The following BBS9 variants were observed in gnomAD, a reference collection of about 807,000 sequenced individuals.
BBS9 encodes the protein protein PTHB1.
A neutral mutation model predicts 117.7 loss-of-function variants in BBS9; 89 were observed. The ratio of observed to expected loss-of-function variants is 0.76; its 90% CI spans 0.64 to 0.90. The LOEUF (loss-of-function observed/expected upper bound fraction) is 0.90. BBS9 is among the 40% of genes least tolerant of loss of function. The pLI is 0.00. For synonymous variants in BBS9, 379 were observed against 370.9 expected (o/e 1.02, Z -0.25); for missense variants, 982 against 1,042.2 (o/e 0.94, Z 0.80).
chr7:33,437,269 G>A (rs1424950332), intron 19 of BBS9, among the ~76,000 whole-genome samples: 2 of 152,184 alleles, frequency 1.3e-5, no homozygotes, highest in African/African-American at 4.8e-5. Context: ...GTCAGAGCAT[G>A]GCTCACCCTT....
At chr7:33,465,856 T>G (rs1187804200) in intron 19 of BBS9, among the ~76,000 whole-genome samples, 1 of 152,166 alleles carries the variant, frequency 6.6e-6, no homozygotes, top group Non-Finnish European at 1.5e-5. Context: ...AACTGGACTA[T>G]TAACTTGAAA....
chr7:33,269,261 C>T (rs1275703374), intron 7 of BBS9, among the ~76,000 whole-genome samples: 1 of 152,136 alleles, frequency 6.6e-6, no homozygotes. Flanking sequence ...TTTCTTGGAT[C>T]CATTGTTTGT....
At chr7:33,581,082 G>GTATTTT (rs1859804779) in intron 21 of BBS9, among the ~76,000 whole-genome samples, 1 of 139,946 alleles carries the variant, frequency 7.1e-6, no homozygotes, top group Non-Finnish European at 1.5e-5. Flanking sequence ...ATTTTTGTGT[G>GTATTTT]TGTGTGTGTG....
chr7:33,213,245 T>A (rs1473519554), intron 5 of BBS9, among the ~76,000 whole-genome samples: 2 of 152,176 alleles, frequency 1.3e-5, no homozygotes, highest in East Asian at 3.9e-4. Flanking sequence ...TAGAGGAGCC[T>A]CTTCCTGTGG....
intron 19 of BBS9, among the ~76,000 whole-genome samples, chr7:33,451,946 G>A (rs929097398): frequency 2.0e-5 from 3 of 152,004 alleles, no homozygotes; most frequent in African/African-American, 7.3e-5. Flanking sequence ...CAATTCTTGT[G>A]CTTCAGGCTC....
chr7:33,509,906 G>A (rs1285905292), intron 20 of BBS9, among the ~76,000 whole-genome samples: 1 of 152,212 alleles, frequency 6.6e-6, no homozygotes, highest in East Asian at 1.9e-4. Context: ...ATCGTTGTCT[G>A]TGATCTGTCT....
At chr7:33,210,806 G>C (rs1583643512) in intron 5 of BBS9, among the ~76,000 whole-genome samples, 2 of 152,232 alleles carry the variant, frequency 1.3e-5, no homozygotes, top group South Asian at 4.2e-4. Flanking sequence ...ACAGGCATGA[G>C]CCACCGAGCC....
chr7:33,459,583 A>G (rs1224476153), intron 19 of BBS9, among the ~76,000 whole-genome samples: 2 of 152,100 alleles, frequency 1.3e-5, no homozygotes, highest in Admixed American at 1.3e-4. Flanking sequence ...CAGATATTCA[A>G]AATATCTCAT....
At chr7:33,560,093 C>T (rs777049422) in intron 21 of BBS9, among the ~76,000 whole-genome samples, 5 of 152,152 alleles carry the variant, frequency 3.3e-5, no homozygotes, top group African/African-American at 1.2e-4. Context: ...AGCTCTGTTT[C>T]CCTTAACCCA....
rs1482748267 is a variant in BBS9, at chr7:33,256,941, AC to A, written c.443-294del. Among the ~76,000 whole-genome samples, 3 of 152,252 alleles carry A rather than the reference AC, an allele frequency of 2.0e-5. No individual in the cohort carries two copies. The South Asian group carries it at 6.2e-4, about 32-fold the overall frequency. ...AAACTGTATCAGTTTTCTATGATAA[AC>A]TGTATCATAGAAATCATCATCATTA... is the stretch of plus-strand genomic sequence containing the variant. On this transcript the variant is annotated intron_variant, in intron 5 of 22. Coordinates refer to ENST00000242067, the MANE Select transcript of BBS9 (RefSeq NM_198428.3).
intron 21 of BBS9, among the ~76,000 whole-genome samples, chr7:33,574,719 A>ACACACG: frequency 6.8e-6 from 1 of 147,610 alleles, no homozygotes; most frequent in South Asian, 2.2e-4. Flanking sequence ...ACACACACAC[A>ACACACG]CACACACGCG....
At chr7:33,269,198 A>G (rs1799336759) in intron 7 of BBS9, among the ~76,000 whole-genome samples, 1 of 152,210 alleles carries the variant, frequency 6.6e-6, no homozygotes, top group African/African-American at 2.4e-5. Context: ...ACCTAAGATC[A>G]TGTCTTGATG....
rs34355708 is a variant in BBS9 at position 33,409,878 on chromosome 7, T to C, written c.2115+21734T>C. Among the ~76,000 whole-genome samples, 835 of 152,326 alleles carry C rather than the reference T, an allele frequency of 5.5e-3. 3 individuals carry two copies. Among genetic ancestry groups the C allele is most frequent in the Non-Finnish European group, 8.8e-3 (596 of 68,026 alleles). ...TTTGCTACATGTATTTCCCTTTTTT[T>C]CCCTCATCTTCCTTTATGGAAGCTT... On this transcript the variant is annotated intron_variant, in intron 19 of 22. Coordinates refer to ENST00000242067, the MANE Select transcript of BBS9 (RefSeq NM_198428.3).
chr7:33,184,756 G>C (rs1798586725), intron 5 of BBS9, among the ~76,000 whole-genome samples: 1 of 152,114 alleles, frequency 6.6e-6, no homozygotes, highest in Non-Finnish European at 1.5e-5. Flanking sequence ...CCCCAGACAG[G>C]GTTCTTGGAT....
intron 9 of BBS9, among the ~76,000 whole-genome samples, chr7:33,292,326 C>T (rs971356578): frequency 6.6e-6 from 1 of 152,002 alleles, no homozygotes; most frequent in Non-Finnish European, 1.5e-5. Context: ...CTCCCAGGCT[C>T]AAGTGATCCT....
chr7:33,463,455 A>G (rs1839766614), intron 19 of BBS9, among the ~76,000 whole-genome samples: 1 of 152,058 alleles, frequency 6.6e-6, no homozygotes, highest in Non-Finnish European at 1.5e-5. Context: ...AGTGGGAGAA[A>G]TGGGTCCCAA....
exon 22 of BBS9, among the ~76,000 whole-genome samples, chr7:33,635,275 G>A (rs1866090501): frequency 6.6e-6 from 1 of 152,218 alleles, no homozygotes; most frequent in African/African-American, 2.4e-5. Flanking sequence ...AAGCTAAGCG[G>A]GGTCAATCAG....
At chr7:33,452,975 T>C (rs1385452718) in intron 19 of BBS9, among the ~76,000 whole-genome samples, 1 of 152,222 alleles carries the variant, frequency 6.6e-6, no homozygotes, top group Non-Finnish European at 1.5e-5. Context: ...TTAAGTTACA[T>C]GACTGTGCAC....
intron 18 of BBS9, among the ~76,000 whole-genome samples, chr7:33,384,512 T>C (rs1000903089): frequency 2.6e-5 from 4 of 152,216 alleles, no homozygotes; most frequent in Non-Finnish European, 4.4e-5. Context: ...TGTGAGTGGA[T>C]TTGACAGTGA....
Sources: gnomAD v4.1 joint callset for allele counts (sites outside exome capture counted in the v4.1 genomes callset) on GRCh38, gnomAD v4.1.1 for gene constraint, MANE v1.5 for transcripts, NCBI Gene and HGNC (gene_info 2026-07-23, HGNC 2026-07-21) for gene names.